Variants in PGM2 observed in about 807,000 individuals in gnomAD.
The protein encoded by PGM2 is phosphopentomutase.
In PGM2, 57 loss-of-function variants were observed where a neutral mutation model predicts 74.6. That is an observed-to-expected ratio of 0.76 (90% CI 0.62 to 0.95). The LOEUF (loss-of-function observed/expected upper bound fraction) is 0.95, where lower values mean the gene tolerates loss of function less well. PGM2 is among the 40% of genes least tolerant of loss of function. The pLI is 0.00. For missense variants in PGM2, 706 were observed against 741.9 expected (o/e 0.95, Z 0.56); for synonymous variants, 273 against 260.7 (o/e 1.05, Z -0.46).
chr4:37,834,241 G>A (rs1375337775), intron 2 of PGM2, among the ~76,000 whole-genome samples: 1 of 72,904 alleles, frequency 1.4e-5, no homozygotes, highest in Non-Finnish European at 2.4e-5. Context: ...GGCTGAGGTA[G>A]GGGGGGATTG....
chr4:37,830,138 T>C lies in PGM2; in HGVS notation c.249+7T>C. 1 of 1,529,910 alleles carries C rather than the reference T, an allele frequency of 6.5e-7. No individual in the cohort carries two copies. 94.8% of individuals were successfully genotyped at this position (1,529,910 alleles called of 1,614,324 possible). On this transcript the variant is annotated splice_region_variant and intron_variant, in intron 2 of 13. Transcript: ENST00000381967. ...CATCATCCAGACTACACAGGTACCA[T>C]GTTTTTTATAATTCTTAGTAACTCA... is the stretch of plus-strand genomic sequence containing the variant.
intron 1 of PGM2, 56 bp downstream of exon 1, chr4:37,826,869 C>T (rs1297235171): frequency 3.5e-6 from 4 of 1,128,296 alleles, no homozygotes; most frequent in Non-Finnish European, 5.1e-6. Flanking sequence ...GCTCTGCCCT[C>T]TCCAGGCGCG....
At chr4:37,857,614 C>G (rs1329504868) in intron 13 of PGM2, among the ~76,000 whole-genome samples, 3 of 152,098 alleles carry the variant, frequency 2.0e-5, no homozygotes, top group Non-Finnish European at 2.9e-5. Flanking sequence ...CAGCTCCACT[C>G]CAACACAGTC....
At chr4:37,844,768 G>C (rs113840358) in intron 7 of PGM2, among the ~76,000 whole-genome samples, 2 of 152,212 alleles carry the variant, frequency 1.3e-5, no homozygotes, top group African/African-American at 4.8e-5. Context: ...AGGTGTTCGA[G>C]AACAGCCTGG....
chr4:37,853,035 C>T (rs763622426), intron 12 of PGM2, among the ~76,000 whole-genome samples: 7 of 152,128 alleles, frequency 4.6e-5, no homozygotes, highest in Non-Finnish European at 8.8e-5. Flanking sequence ...GACTGATGTT[C>T]TACTTTTCTT....
intron 1 of PGM2, among the ~76,000 whole-genome samples, 167 bp downstream of exon 1, chr4:37,826,980 C>T (rs1725309923): frequency 6.6e-6 from 1 of 152,268 alleles, no homozygotes; most frequent in Admixed American, 6.5e-5. Flanking sequence ...TTCCTTCGAC[C>T]TGGCCGGCAT....
intron 13 of PGM2, among the ~76,000 whole-genome samples, chr4:37,856,808 A>T (rs900656071): frequency 1.3e-5 from 2 of 152,210 alleles, no homozygotes; most frequent in Non-Finnish European, 2.9e-5. Flanking sequence ...TTGATTTTCT[A>T]CTTGTCACCT....
intron 5 of PGM2, 21 bp downstream of exon 5, chr4:37,839,952 C>T: frequency 6.6e-7 from 1 of 1,505,558 alleles, no homozygotes; most frequent in Non-Finnish European, 9.2e-7. Context: ...TTTTCTACTC[C>T]ACACGTACAT....
intron 8 of PGM2, 117 bp from the exon 9 acceptor site, chr4:37,846,814 C>A (rs1725886163): frequency 1.3e-6 from 1 of 767,520 alleles, no homozygotes; most frequent in Non-Finnish European, 2.1e-6. Flanking sequence ...ACAAGAACAG[C>A]CTTGCAGAAA....
intron 6 of PGM2, among the ~76,000 whole-genome samples, chr4:37,840,487 A>G (rs1725679572): frequency 6.6e-6 from 1 of 152,194 alleles, no homozygotes; most frequent in South Asian, 2.1e-4. Flanking sequence ...GGTTCAAGCG[A>G]TTCTTGTGCC....
chr4:37,827,603 C>T (rs1725330373), intron 1 of PGM2, among the ~76,000 whole-genome samples: 1 of 152,142 alleles, frequency 6.6e-6, no homozygotes, highest in Non-Finnish European at 1.5e-5. Flanking sequence ...CGTAGAGAGT[C>T]AGTCCTTCCT....
rs752434371 is a variant in PGM2 at position 37,861,563 on chromosome 4, A to G, written c.1790A>G (p.Glu597Gly). Residue 597 changes from glutamate to glycine, a missense_variant, in exon 14 of 14, where the codon GAA becomes GGA. This residue lies in a region of PGM2 where 359 missense variants were observed against 371.1 expected (regional missense o/e 0.97). Transcript: ENST00000381967. ...ELNELVSAIE[E>G]HFFQPQKYNL... ...AATGAACTGGTCAGTGCTATTGAAG[A>G]ACATTTTTTCCAGCCACAGAAGTAC... 1.2e-6 allele frequency: 2 copies of G among 1,613,504 alleles called. No individual in the cohort carries two copies. Among genetic ancestry groups the G allele is most frequent in the African/African-American group, 1.3e-5 (1 of 74,914 alleles).
At chr4:37,853,046 G>C (rs1011665765) in intron 12 of PGM2, among the ~76,000 whole-genome samples, 2 of 152,040 alleles carry the variant, frequency 1.3e-5, no homozygotes, top group Non-Finnish European at 2.9e-5. Context: ...TACTTTTCTT[G>C]TTTCTTTCTT....
intron 1 of PGM2, among the ~76,000 whole-genome samples, chr4:37,829,024 G>T (rs555064463): frequency 6.6e-6 from 1 of 152,288 alleles, no homozygotes; most frequent in South Asian, 2.1e-4. Flanking sequence ...AAATGGCCAC[G>T]TCCTGCGTGA....
At chr4:37,855,549 G>T in intron 12 of PGM2, 59 bp from the exon 13 acceptor site, 1 of 1,438,890 alleles carries the variant, frequency 6.9e-7, no homozygotes, top group South Asian at 1.3e-5. Context: ...TGCAAGAGAA[G>T]ATATTGGTTA....
In PGM2 at chr4:37,834,610, A is replaced by T. The variant is rs755439813; in HGVS notation, c.250-8A>T. ...AACATACTTTTTAAATCTATGGTGT[A>T]TTTGTAGGGATTTTGCAGATACCTG... On this transcript the variant is annotated splice_polypyrimidine_tract_variant and splice_region_variant and intron_variant, in intron 2 of 13. Transcript: ENST00000381967. The T allele has an allele frequency of 7.6e-7, 1 of 1,324,464 alleles. No individual in the cohort carries two copies. Among genetic ancestry groups the T allele is most frequent in the South Asian group, 1.2e-5 (1 of 82,808 alleles). The allele number at this position is 1,324,464 out of a possible 1,614,324, so 82.0% of individuals were successfully genotyped here.
At chr4:37,844,755 G>A (rs1187164793) in intron 7 of PGM2, among the ~76,000 whole-genome samples, 1 of 152,012 alleles carries the variant, frequency 6.6e-6, no homozygotes, top group African/African-American at 2.4e-5. Context: ...ATCACTTGAG[G>A]TCAGGTGTTC....
chr4:37,855,152 C>T (rs892172665), intron 12 of PGM2, among the ~76,000 whole-genome samples: 21 of 152,188 alleles, frequency 1.4e-4, no homozygotes, highest in African/African-American at 3.9e-4. Flanking sequence ...CTAGCTGAAA[C>T]TTTAGGCCCT....
At chr4:37,834,872 A>G (rs902500308) in intron 3 of PGM2, 148 bp downstream of exon 3, 1 of 459,654 alleles carries the variant, frequency 2.2e-6, no homozygotes, top group Admixed American at 4.2e-5. Context: ...GGCAACTTTT[A>G]AAGATTCTGG....
Sources: gnomAD v4.1 joint callset for allele counts (sites outside exome capture counted in the v4.1 genomes callset) on GRCh38, gnomAD v4.1.1 for gene constraint, gnomAD v4.1.1 regional missense constraint, MANE v1.5 for transcripts, NCBI Gene and HGNC (gene_info 2026-07-23, HGNC 2026-07-21) for gene names.